Variants in LGR6 observed in about 807,000 individuals in gnomAD.
The protein encoded by LGR6 is leucine rich repeat containing G protein-coupled receptor 6.
Under a neutral mutation model 69.4 loss-of-function variants are expected in LGR6, and 45 were observed. The ratio of observed to expected loss-of-function variants is 0.65; its 90% CI spans 0.51 to 0.83. LGR6 has a LOEUF of 0.83. Ranked by LOEUF, LGR6 falls within the 40% of genes least tolerant of loss-of-function variation. The probability of loss-of-function intolerance (pLI) is 0.00; values close to 1 mark genes in which losing one functional copy is unlikely to be tolerated. For synonymous variants in LGR6, 538 were observed against 555.0 expected, an observed-to-expected ratio of 0.97 and a Z score of 0.43; for missense variants, 1,108 against 1,246.7, an observed-to-expected ratio of 0.89 and a Z score of 1.68.
At chr1:202,212,839 C>T (rs1408835608) in intron 1 of LGR6, among the ~76,000 whole-genome samples, 1 of 152,172 alleles carries the variant, frequency 6.6e-6, no homozygotes, top group Non-Finnish European at 1.5e-5. Context: ...TTCCCTCACT[C>T]CCATGCTAAC....
chr1:202,201,238 CCAGA>C (rs1342684404), intron 1 of LGR6, among the ~76,000 whole-genome samples: 1 of 152,200 alleles, frequency 6.6e-6, no homozygotes, highest in Non-Finnish European at 1.5e-5. Context: ...TGATCTTCTT[CCAGA>C]AAGACACTAG....
At chr1:202,289,246 G>A (rs1041265126) in intron 6 of LGR6, among the ~76,000 whole-genome samples, 2 of 152,200 alleles carry the variant, frequency 1.3e-5, no homozygotes, top group East Asian at 3.8e-4. Flanking sequence ...CTGCAGAGTG[G>A]CCCAACAGTG....
chr1:202,236,227 CTGGGGGACT>C (rs777314795), intron 4 of LGR6: 31 of 551,046 alleles, frequency 5.6e-5, no homozygotes, highest in Non-Finnish European at 9.4e-5. Context: ...CCACGCCCCA[CTGGGGGACT>C]GTGGGAATGG....
At chr1:202,231,575 C>T (rs1661077213) in intron 3 of LGR6, among the ~76,000 whole-genome samples, 1 of 151,478 alleles carries the variant, frequency 6.6e-6, no homozygotes, top group African/African-American at 2.4e-5. Flanking sequence ...CTCAGATTTC[C>T]TCTCTCTGAG....
At chr1:202,255,463 G>T (rs1426181561) in intron 4 of LGR6, among the ~76,000 whole-genome samples, 1 of 152,128 alleles carries the variant, frequency 6.6e-6, no homozygotes. Context: ...CCTTTCCACT[G>T]CCTGCTCCTC....
chr1:202,306,833 C>A (rs191784383), intron 12 of LGR6, 35 bp from the exon 13 acceptor site: 1 of 1,604,636 alleles, frequency 6.2e-7, no homozygotes, highest in Non-Finnish European at 8.5e-7. Context: ...AGGGTCTGAG[C>A]CTGCCGGCTC....
chr1:202,256,066 C>T (rs1663747679), intron 4 of LGR6, among the ~76,000 whole-genome samples: 1 of 152,152 alleles, frequency 6.6e-6, no homozygotes, highest in Non-Finnish European at 1.5e-5. Flanking sequence ...CAGCCCCTGA[C>T]AACCAGTAAT....
chr1:202,258,510 TTCATTAATGAC>T (rs1434286916), intron 4 of LGR6, among the ~76,000 whole-genome samples: 1 of 152,052 alleles, frequency 6.6e-6, no homozygotes, highest in Non-Finnish European at 1.5e-5. Flanking sequence ...TTTGTTTTTT[TTCATTAATGAC>T]TCATTTCTTG....
intron 1 of LGR6, among the ~76,000 whole-genome samples, chr1:202,220,866 A>C (rs557391446): frequency 6.6e-6 from 1 of 151,990 alleles, no homozygotes; most frequent in South Asian, 2.1e-4. Context: ...CACACACACA[A>C]ACACATACAC....
intron 1 of LGR6, chr1:202,203,767 C>A (rs1040150436): frequency 1.9e-6 from 3 of 1,607,706 alleles, no homozygotes; most frequent in Admixed American, 1.7e-5. Flanking sequence ...GCTCCTAATG[C>A]GGAAGCCCCT....
intron 6 of LGR6, among the ~76,000 whole-genome samples, 181 bp from the exon 7 acceptor site, chr1:202,297,327 T>C (rs1020875641): frequency 1.3e-5 from 2 of 152,190 alleles, no homozygotes; most frequent in Non-Finnish European, 2.9e-5. Context: ...GCCTGAGGAT[T>C]TGTGGAATAG....
intron 6 of LGR6, 73 bp downstream of exon 6, chr1:202,280,925 C>A: frequency 1.4e-6 from 2 of 1,387,324 alleles, no homozygotes; most frequent in South Asian, 1.3e-5. Flanking sequence ...GTGGAGGGAG[C>A]ACACAGAGGG....
chr1:202,298,903 CAGA>C (rs1667372067), intron 7 of LGR6, among the ~76,000 whole-genome samples: 1 of 151,874 alleles, frequency 6.6e-6, no homozygotes, highest in East Asian at 1.9e-4. Flanking sequence ...TTGCCTCATC[CAGA>C]AGTTTGAAGG....
chr1:202,203,812 G>T (rs1658919882), intron 1 of LGR6: 1 of 1,613,842 alleles, frequency 6.2e-7, no homozygotes, highest in Non-Finnish European at 8.5e-7. Context: ...AAACCCACAG[G>T]CCAAGGAATG....
chr1:202,290,219 A>G (rs1666696640), intron 6 of LGR6, among the ~76,000 whole-genome samples: 1 of 152,216 alleles, frequency 6.6e-6, no homozygotes, highest in South Asian at 2.1e-4. Context: ...TGAAGAAATG[A>G]GCTAAGAAAA....
chr1:202,317,835 G>A, intron 17 of LGR6, 117 bp from the exon 18 acceptor site: 1 of 1,061,090 alleles, frequency 9.4e-7, no homozygotes, highest in Non-Finnish European at 1.4e-6. Context: ...CCGAGGGCAA[G>A]GGCCATGTTC....
intron 4 of LGR6, among the ~76,000 whole-genome samples, chr1:202,238,740 A>T (rs1472241003): frequency 2.3e-4 from 31 of 134,452 alleles, no homozygotes; most frequent in African/African-American, 7.0e-4. Flanking sequence ...TTTTTTTTTT[A>T]AACAAAATTT....
intron 1 of LGR6, chr1:202,203,925 A>G: frequency 1.5e-6 from 2 of 1,337,396 alleles, no homozygotes; most frequent in Non-Finnish European, 2.2e-6. Context: ...TTTAGCACAG[A>G]GGGGGTGCGA....
At chr1:202,299,376 GATCT>G (rs1316782616) in intron 7 of LGR6, among the ~76,000 whole-genome samples, 1 of 151,752 alleles carries the variant, frequency 6.6e-6, no homozygotes, top group African/African-American at 2.4e-5. Context: ...CATGAGATTT[GATCT>G]ATCAAGAGGG....
Sources: allele counts gnomAD v4.1 joint callset (sites outside exome capture counted in the v4.1 genomes callset), GRCh38; gene constraint gnomAD v4.1.1; transcripts MANE v1.5; gene names NCBI Gene and HGNC (gene_info 2026-07-23, HGNC 2026-07-21).